Variants in HS1BP3 observed in about 807,000 individuals in gnomAD.
The protein encoded by HS1BP3 is HCLS1 binding protein 3, also known as HCLS1-binding protein 3.
Under a neutral mutation model 33.5 loss-of-function variants are expected in HS1BP3, and 32 were observed. The observed-to-expected ratio is 0.95, with a 90% CI of 0.72 to 1.28. The LOEUF (loss-of-function observed/expected upper bound fraction) is 1.28, where lower values mean the gene tolerates loss of function less well. Among genes scored for constraint, HS1BP3 ranks in the 50% most tolerant of loss-of-function variants. The pLI is 0.00. For missense variants in HS1BP3, 486 were observed against 502.3 expected (o/e 0.97, Z 0.31); for synonymous variants, 187 against 209.2 (o/e 0.89, Z 0.92).
intron 3 of HS1BP3, among the ~76,000 whole-genome samples, chr2:20,594,112 T>C (rs1693890386): frequency 6.6e-6 from 1 of 152,224 alleles, no homozygotes; most frequent in South Asian, 2.1e-4. Context: ...GCTTGCATCT[T>C]ACACATTCCA....
intron 5 of HS1BP3, among the ~76,000 whole-genome samples, chr2:20,581,656 C>A (rs1241987671): frequency 6.6e-6 from 1 of 152,208 alleles, no homozygotes; most frequent in Non-Finnish European, 1.5e-5. Flanking sequence ...AGCCAACACA[C>A]CTTTATTACC....
At chr2:20,559,708 G>GTGGATGGA (rs143038030), downstream of HS1BP3, among the ~76,000 whole-genome samples, 73 of 143,510 alleles carry the variant, frequency 5.1e-4, no homozygotes, top group Middle Eastern at 3.6e-3. Context: ...GGGTGGGTGG[G>GTGGATGGA]TGGATGGATG....
intron 3 of HS1BP3, chr2:20,640,663 G>A (rs1040878332): frequency 1.8e-6 from 1 of 558,094 alleles, no homozygotes; most frequent in East Asian, 2.8e-5. Context: ...TGTGGTGCAT[G>A]GTCAGTCGGG....
At chr2:20,597,714 A>G (rs1221248823) in intron 3 of HS1BP3, among the ~76,000 whole-genome samples, 2 of 152,240 alleles carry the variant, frequency 1.3e-5, no homozygotes, top group African/African-American at 2.4e-5. Context: ...AAAGTGCTGA[A>G]TATGGTATCT....
chr2:20,584,899 G>C (rs1693643058), intron 5 of HS1BP3, among the ~76,000 whole-genome samples: 2 of 152,200 alleles, frequency 1.3e-5, no homozygotes, highest in African/African-American at 4.8e-5. Flanking sequence ...CCACAGAGGA[G>C]CAAATGAAGG....
intron 5 of HS1BP3, among the ~76,000 whole-genome samples, chr2:20,577,334 A>T (rs1306224225): frequency 1.3e-5 from 2 of 151,968 alleles, no homozygotes; most frequent in African/African-American, 4.8e-5. Context: ...CTTCAGAAAG[A>T]CCCAAGGCTA....
intron 5 of HS1BP3, among the ~76,000 whole-genome samples, chr2:20,583,201 G>A (rs560540674): frequency 6.6e-6 from 1 of 152,364 alleles, no homozygotes; most frequent in African/African-American, 2.4e-5. Flanking sequence ...CCCAGCCTGG[G>A]CACAGGTTGT....
At chr2:20,606,552 A>G in intron 2 of HS1BP3, 1 of 486,364 alleles carries the variant, frequency 2.1e-6, no homozygotes, top group Non-Finnish European at 4.1e-6. Flanking sequence ...TCTTTGGAGC[A>G]CTTCTTCTTT....
chr2:20,645,575 A>G (rs1572365617), intron 1 of HS1BP3, 70 bp from the exon 2 acceptor site: 1 of 1,498,840 alleles, frequency 6.7e-7, no homozygotes, highest in Non-Finnish European at 9.0e-7. Flanking sequence ...AAGTGCAGGC[A>G]GGGCCTCTGG....
intron 2 of HS1BP3, among the ~76,000 whole-genome samples, chr2:20,603,699 T>C (rs1350049554): frequency 6.6e-5 from 10 of 152,228 alleles, no homozygotes; most frequent in Non-Finnish European, 1.0e-4. Flanking sequence ...AATACAACTA[T>C]TGAATTTACA....
intron 4 of HS1BP3, chr2:20,636,997 G>C (rs893759551): frequency 6.6e-6 from 1 of 151,284 alleles, no homozygotes; most frequent in Admixed American, 6.6e-5. Context: ...CAGGGGTGAG[G>C]GCCCCAGAGT....
rs1695494898 is a variant in HS1BP3 at position 20,645,576 on chromosome 2, G to C, written c.33-71C>G. 4.1e-6 allele frequency: 6 copies of C among 1,478,638 alleles called. No homozygotes were observed. In the South Asian group the frequency reaches 7.8e-5, roughly 19 times the overall value. The allele number at this position is 1,478,638 out of a possible 1,614,324, so 91.6% of individuals were successfully genotyped here. ...AGGCTTCCCGAGCAAAGTGCAGGCA[G>C]GGCCTCTGGGTGCCTGGCAGGCCTG... On this transcript the variant is annotated intron_variant, in intron 1 of 6. Transcript: ENST00000304031.
chr2:20,642,882 C>T lies in HS1BP3; in HGVS notation c.199-1702G>A, dbSNP rs60662749. ...GAGCACGGGGCAGACAGCCCTGTAA[C>T]GTTAGTAAGCTTGTGGGTGTCTGCA... On this transcript the variant is annotated intron_variant, in intron 2 of 6. Coordinates refer to ENST00000304031, the MANE Select transcript of HS1BP3 (RefSeq NM_022460.4). Among the ~76,000 whole-genome samples, 1,083 of 152,326 alleles carry T rather than the reference C, an allele frequency of 7.1e-3. 17 individuals are homozygous for T. Among genetic ancestry groups the T allele is most frequent in the African/African-American group, 0.025 (1,044 of 41,562 alleles).
At chr2:20,622,871 A>G (rs1404056906) in intron 6 of HS1BP3, 1 of 156,184 alleles carries the variant, frequency 6.4e-6, no homozygotes, top group Admixed American at 6.1e-5. Flanking sequence ...GGGGACATGT[A>G]AATACCAGAA....
chr2:20,633,228 C>G (rs1465844970), intron 4 of HS1BP3, among the ~76,000 whole-genome samples: 2 of 152,184 alleles, frequency 1.3e-5, no homozygotes, highest in Admixed American at 1.3e-4. Flanking sequence ...CCAGCTGCCC[C>G]ACTCACTGTC....
chr2:20,631,516 CAAAAAAAAAAAAAAAAAAA>C lies in HS1BP3; in HGVS notation c.624-6643_624-6625del, dbSNP rs529653146. Among the ~76,000 whole-genome samples, 59 of 63,164 alleles carry C rather than the reference CAAAAAAAAAAAAAAAAAAA, an allele frequency of 9.3e-4. 1 individual carries two copies. Among genetic ancestry groups the C allele is most frequent in the Non-Finnish European group, 1.2e-3 (43 of 34,946 alleles). The allele number at this position is 63,164 out of a possible 152,430, so 41.4% of individuals were successfully genotyped here. A position where few individuals can be genotyped will look rare whatever the true frequency, so the allele number is the denominator to read the frequency against. The stretch of plus-strand genomic sequence containing the variant: ...TAGGTAAAAGAGTAAGAACCTGTCT[CAAAAAAAAAAAAAAAAAAA>C]AAAAAAAAAAAAAAAAAAGGGGCCA... On this transcript the variant is annotated intron_variant, in intron 4 of 6. Transcript: ENST00000304031.
chr2:20,575,119 AC>A (rs1432769772), intron 5 of HS1BP3, among the ~76,000 whole-genome samples: 5 of 151,874 alleles, frequency 3.3e-5, no homozygotes. Context: ...CTTGCTACTC[AC>A]CCCCATATTG....
intron 5 of HS1BP3, among the ~76,000 whole-genome samples, chr2:20,577,405 G>C (rs1693426849): frequency 6.6e-6 from 1 of 152,078 alleles, no homozygotes; most frequent in South Asian, 2.1e-4. Flanking sequence ...ATGATTCTTG[G>C]GGTTGTTTTA....
rs1458066141 is a variant in HS1BP3 at position 20,641,014 on chromosome 2, T to A, written c.365A>T (p.Asp122Val). ...FNEILRCVSK[D>V]AELAGSPELL... ...CTCTGGGCTGCCTGCCAACTCGGCA[T>A]CCTTGGAGACACAGCGCAGGATCTC... The change falls in exon 3 of 7, where the codon GAT becomes GTT. Residue 122 changes from aspartate to valine, a missense_variant. Physicochemically the swap from Asp to Val is radical, Grantham distance 152 (BLOSUM62 -3). Transcript: ENST00000304031. The A allele has an allele frequency of 1.2e-6, 2 of 1,614,154 alleles. No individual in the cohort carries two copies. The highest frequency in any genetic ancestry group is 4.5e-5 in the East Asian group (2 of 44,878).
Sources: gnomAD v4.1 joint callset for allele counts (sites outside exome capture counted in the v4.1 genomes callset) on GRCh38, gnomAD v4.1.1 for gene constraint, MANE v1.5 for transcripts, NCBI Gene and HGNC (gene_info 2026-07-23, HGNC 2026-07-21) for gene names.